Variants in ACSM6 observed in about 807,000 individuals in gnomAD.
The protein encoded by ACSM6 is acyl-coenzyme A synthetase ACSM6, mitochondrial.
A neutral mutation model predicts 51.1 loss-of-function variants in ACSM6; 35 were observed. The observed-to-expected ratio is 0.69, with a 90% CI of 0.52 to 0.91. The LOEUF (loss-of-function observed/expected upper bound fraction) is 0.91, where lower values mean the gene tolerates loss of function less well. Among genes scored for constraint, ACSM6 ranks in the 40% least tolerant of loss-of-function variants. The probability of loss-of-function intolerance (pLI) is 0.00; values close to 1 mark genes in which losing one functional copy is unlikely to be tolerated. For missense variants in ACSM6, 509 were observed against 584.1 expected, an observed-to-expected ratio of 0.87 and a Z score of 1.32; for synonymous variants, 172 against 207.3, an observed-to-expected ratio of 0.83 and a Z score of 1.46.
chr10:95,216,326 A>C (rs954885405), intron 8 of ACSM6, among the ~76,000 whole-genome samples: 3 of 152,014 alleles, frequency 2.0e-5, no homozygotes, highest in African/African-American at 7.2e-5. Flanking sequence ...TCATCTCCAA[A>C]TACCATCACA....
intron 3 of ACSM6, among the ~76,000 whole-genome samples, chr10:95,205,776 G>A (rs1435711685): frequency 6.6e-6 from 1 of 152,298 alleles, no homozygotes; most frequent in East Asian, 1.9e-4. Flanking sequence ...ACTTGAAAGT[G>A]TTTGCAGTTA....
chr10:95,200,786 G>A (rs2034787359), intron 2 of ACSM6, among the ~76,000 whole-genome samples: 1 of 150,794 alleles, frequency 6.6e-6, no homozygotes, highest in Admixed American at 6.6e-5. Flanking sequence ...GGAAAGGAGG[G>A]ATGGGGAAAG....
chr10:95,206,117 T>C (rs1424537062), intron 3 of ACSM6, among the ~76,000 whole-genome samples: 1 of 152,176 alleles, frequency 6.6e-6, no homozygotes, highest in African/African-American at 2.4e-5. Flanking sequence ...TTCTGGAAGA[T>C]TTTCATCACC....
At chr10:95,217,117 A>G (rs2034952499) in intron 8 of ACSM6, among the ~76,000 whole-genome samples, 1 of 151,966 alleles carries the variant, frequency 6.6e-6, no homozygotes, top group Non-Finnish European at 1.5e-5. Context: ...TGGGAGGCCA[A>G]GGCAGGCAAA....
At chr10:95,212,993 T>C in intron 7 of ACSM6, 53 bp downstream of exon 7, 1 of 1,441,610 alleles carries the variant, frequency 6.9e-7, no homozygotes, top group East Asian at 2.3e-5. Flanking sequence ...GTACCATAAA[T>C]AAAATTAGGA....
At chr10:95,207,120 A>G in intron 3 of ACSM6, 88 bp from the exon 4 acceptor site, 2 of 1,248,666 alleles carry the variant, frequency 1.6e-6, no homozygotes, top group Non-Finnish European at 2.3e-6. Context: ...GGTAACCCAG[A>G]GACCTCATCC....
At chr10:95,225,538 T>C (rs2035029497) in intron 10 of ACSM6, 147 bp downstream of exon 10, 2 of 549,640 alleles carry the variant, frequency 3.6e-6, no homozygotes, top group Non-Finnish European at 6.3e-6. Flanking sequence ...TGTTAAATAG[T>C]AGCACTCACC....
At chr10:95,194,661 G>T (rs766959098) in exon 2 of ACSM6, 1 of 1,551,806 alleles carries the variant, frequency 6.4e-7, no homozygotes, top group Non-Finnish European at 8.7e-7. Context: ...TTGGATCAGT[G>T]GTCCCAGCTG....
intron 10 of ACSM6, 67 bp from the exon 11 acceptor site, chr10:95,228,577 A>T (rs2035063931): frequency 2.0e-6 from 3 of 1,485,152 alleles, no homozygotes; most frequent in Middle Eastern, 2.1e-4. Context: ...CAGAGTGCTC[A>T]ATTCATATCA....
rs190616883 is a variant in ACSM6, at chr10:95,207,832, G to A, written c.611+417G>A. 1.6e-4 allele frequency among the ~76,000 whole-genome samples: 25 copies of A among 152,158 alleles called. No individual in the cohort carries two copies. The East Asian group carries it at 4.3e-3, about 26-fold the overall frequency. On this transcript the variant is annotated intron_variant, in intron 4 of 10. Transcript: ENST00000341686. ...AGCCATAAAAAATGAAATCATGGTC[G>A]CACATGGTGGCTCATGCTTGCAATG...
chr10:95,194,898 AG>A (rs1320448386), intron 2 of ACSM6, among the ~76,000 whole-genome samples: 16 of 152,238 alleles, frequency 1.1e-4, no homozygotes, highest in African/African-American at 3.9e-4. Context: ...AACTTGGACA[AG>A]TTATTTGCCT....
At chr10:95,198,923 C>T (rs2034763128) in intron 2 of ACSM6, among the ~76,000 whole-genome samples, 1 of 152,166 alleles carries the variant, frequency 6.6e-6, no homozygotes, top group African/African-American at 2.4e-5. Flanking sequence ...AATGGCCATA[C>T]TGCCCAAGGT....
exon 9 of ACSM6, chr10:95,219,910 C>G (rs2034980335): frequency 6.2e-7 from 1 of 1,613,568 alleles, no homozygotes; most frequent in African/African-American, 1.3e-5. Flanking sequence ...TGTGCCACTT[C>G]CAAAACAATA....
chr10:95,195,690 C>A (rs909928121), intron 2 of ACSM6, among the ~76,000 whole-genome samples: 5 of 152,156 alleles, frequency 3.3e-5, no homozygotes, highest in Admixed American at 6.5e-5. Context: ...TATTCTCCTC[C>A]CCTCCCCAGG....
intron 10 of ACSM6, 195 bp from the exon 11 acceptor site, chr10:95,228,449 A>C (rs75094503): frequency 8.2e-6 from 4 of 485,934 alleles, no homozygotes; most frequent in African/African-American, 6.1e-5. Context: ...AAAAAAAAAA[A>C]GCTGAAGTTA....
At chr10:95,225,591 T>C (rs1156887066) in intron 10 of ACSM6, 200 bp downstream of exon 10, 10 of 440,998 alleles carry the variant, frequency 2.3e-5, no homozygotes, top group Non-Finnish European at 3.6e-5. Flanking sequence ...TTACTTCATA[T>C]TTGCACATTT....
At chr10:95,205,703 T>C (rs1016593868) in intron 3 of ACSM6, among the ~76,000 whole-genome samples, 2 of 152,150 alleles carry the variant, frequency 1.3e-5, no homozygotes, top group African/African-American at 2.4e-5. Flanking sequence ...TACTAATCAA[T>C]AGGGAAAATA....
At chr10:95,223,079 T>C (rs1205306013) in intron 9 of ACSM6, among the ~76,000 whole-genome samples, 3 of 151,618 alleles carry the variant, frequency 2.0e-5, no homozygotes, top group Non-Finnish European at 4.4e-5. Context: ...AGGGGGAAGA[T>C]GAAAGAGATA....
chr10:95,213,185 T>G (rs1388072420), intron 7 of ACSM6, among the ~76,000 whole-genome samples: 2 of 152,154 alleles, frequency 1.3e-5, no homozygotes, highest in Non-Finnish European at 2.9e-5. Context: ...GTTAAAAAAT[T>G]TATAATTATA....
Sources: gnomAD v4.1 joint callset for allele counts (sites outside exome capture counted in the v4.1 genomes callset) on GRCh38, gnomAD v4.1.1 for gene constraint, MANE v1.5 for transcripts, NCBI Gene and HGNC (gene_info 2026-07-23, HGNC 2026-07-21) for gene names.